Variants in OPCML observed in about 807,000 individuals in gnomAD.
OPCML encodes the protein opioid-binding protein/cell adhesion molecule.
A neutral mutation model predicts 37.8 loss-of-function variants in OPCML; 13 were observed. The ratio of observed to expected loss-of-function variants is 0.34; its 90% confidence interval spans 0.22 to 0.55. The LOEUF (loss-of-function observed/expected upper bound fraction) is 0.55, where lower values mean the gene tolerates loss of function less well. Ranked by LOEUF, OPCML falls within the 20% of genes least tolerant of loss-of-function variation. The pLI, the probability that OPCML is intolerant of heterozygous loss-of-function variation, is 0.91. For missense variants in OPCML, 341 were observed against 435.6 expected, an observed-to-expected ratio of 0.78 and a Z score of 1.93; for synonymous variants, 176 against 168.8, an observed-to-expected ratio of 1.04 and a Z score of -0.33.
chr11:133,422,884 A>G (rs1565626172), intron 1 of OPCML: 1 of 962,696 alleles, frequency 1.0e-6, no homozygotes, highest in African/African-American at 1.8e-5. Flanking sequence ...GAGGCTTAGG[A>G]TGAAGAATCT....
At chr11:133,490,127 G>C (rs758116347) in intron 1 of OPCML, among the ~76,000 whole-genome samples, 4 of 152,136 alleles carry the variant, frequency 2.6e-5, no homozygotes, top group Non-Finnish European at 5.9e-5. Context: ...ATCAGGGTTT[G>C]TTTTACTCCT....
At chr11:132,667,730 T>C (rs1942283968) in intron 2 of OPCML, among the ~76,000 whole-genome samples, 1 of 152,012 alleles carries the variant, frequency 6.6e-6, no homozygotes. Flanking sequence ...TGAAGGTAAA[T>C]GGAAGAACAG....
At chr11:133,020,859 CTA>C (rs768242131) in intron 1 of OPCML, among the ~76,000 whole-genome samples, 61 of 151,408 alleles carry the variant, frequency 4.0e-4, no homozygotes, top group Non-Finnish European at 7.1e-4. Context: ...CTTTTTTTTT[CTA>C]TGTTTTTTGG....
chr11:132,671,775 C>T (rs1470910394), intron 2 of OPCML, among the ~76,000 whole-genome samples: 1 of 150,884 alleles, frequency 6.6e-6, no homozygotes, highest in Admixed American at 6.6e-5. Context: ...AGTCGAGTTT[C>T]CTTATCATGG....
At chr11:132,733,473 T>C (rs953316600) in intron 2 of OPCML, among the ~76,000 whole-genome samples, 1 of 152,130 alleles carries the variant, frequency 6.6e-6, no homozygotes, top group African/African-American at 2.4e-5. Flanking sequence ...TCATTCTACT[T>C]GCTGAGATTG....
intron 1 of OPCML, among the ~76,000 whole-genome samples, chr11:133,062,976 C>A (rs1015019410): frequency 6.6e-6 from 1 of 152,246 alleles, no homozygotes; most frequent in Non-Finnish European, 1.5e-5. Context: ...TAAAGACAGC[C>A]GCATCCTCCT....
intron 1 of OPCML, among the ~76,000 whole-genome samples, chr11:133,524,545 C>T (rs1228824686): frequency 2.0e-5 from 3 of 152,194 alleles, no homozygotes; most frequent in East Asian, 1.9e-4. Context: ...CCTGATTAAA[C>T]GTGCTGAGTA....
intron 1 of OPCML, among the ~76,000 whole-genome samples, chr11:132,999,266 G>A (rs548390779): frequency 5.3e-5 from 8 of 151,942 alleles, no homozygotes; most frequent in African/African-American, 9.7e-5. Flanking sequence ...CCCAGGTGGC[G>A]AGACCCCCTC....
chr11:133,049,747 G>A (rs930581593), intron 1 of OPCML, among the ~76,000 whole-genome samples: 7 of 152,172 alleles, frequency 4.6e-5, no homozygotes, highest in African/African-American at 1.4e-4. Flanking sequence ...TTTCACTCCC[G>A]TGCTGTGCTC....
intron 1 of OPCML, among the ~76,000 whole-genome samples, chr11:133,321,045 G>A (rs990422622): frequency 6.6e-5 from 10 of 152,102 alleles, no homozygotes; most frequent in African/African-American, 2.4e-4. Context: ...CAACCCCTCA[G>A]CCATGTCTTC....
chr11:132,624,029 A>G (rs1404104308), intron 3 of OPCML, among the ~76,000 whole-genome samples: 1 of 152,240 alleles, frequency 6.6e-6, no homozygotes, highest in Non-Finnish European at 1.5e-5. Flanking sequence ...GAGTTGTTTC[A>G]GCACTGCTAA....
chr11:132,451,739 A>G (rs923645554), intron 4 of OPCML, among the ~76,000 whole-genome samples: 2 of 152,130 alleles, frequency 1.3e-5, no homozygotes, highest in African/African-American at 4.8e-5. Context: ...GGTGTGGGCC[A>G]TCCATCCCAT....
At chr11:133,229,527 A>C (rs887230764) in intron 1 of OPCML, among the ~76,000 whole-genome samples, 7 of 152,220 alleles carry the variant, frequency 4.6e-5, no homozygotes, top group African/African-American at 1.7e-4. Flanking sequence ...TTAAAGGATT[A>C]AAAAAGAAAA....
chr11:133,321,110 G>T (rs1335537410), intron 1 of OPCML, among the ~76,000 whole-genome samples: 1 of 152,188 alleles, frequency 6.6e-6, no homozygotes, highest in East Asian at 1.9e-4. Flanking sequence ...GGGGGAAGGT[G>T]GGGGGACAAT....
At chr11:132,562,561 C>T (rs1310465971) in intron 3 of OPCML, among the ~76,000 whole-genome samples, 1 of 152,020 alleles carries the variant, frequency 6.6e-6, no homozygotes, top group Non-Finnish European at 1.5e-5. Flanking sequence ...AACTACATGC[C>T]TATGCTATTT....
At chr11:132,437,498 G>A (rs1459400384) in intron 4 of OPCML, 139 bp from the exon 5 acceptor site, 67 of 1,464,162 alleles carry the variant, frequency 4.6e-5, no homozygotes, top group Non-Finnish European at 5.6e-5. Context: ...AAAGACATAG[G>A]GCATCATGTT....
At chr11:132,738,952 C>T (rs930786839) in intron 2 of OPCML, among the ~76,000 whole-genome samples, 1 of 152,074 alleles carries the variant, frequency 6.6e-6, no homozygotes, top group Non-Finnish European at 1.5e-5. Context: ...TGATTTTGAG[C>T]TGAAAACAAT....
chr11:132,463,559 C>T (rs547942193), intron 4 of OPCML, among the ~76,000 whole-genome samples: 9 of 152,330 alleles, frequency 5.9e-5, no homozygotes, highest in African/African-American at 7.2e-5. Flanking sequence ...AGAAGCCCTG[C>T]TGTACCACAC....
intron 1 of OPCML, among the ~76,000 whole-genome samples, chr11:133,500,414 G>A (rs1042193198): frequency 6.6e-6 from 1 of 152,152 alleles, no homozygotes; most frequent in Admixed American, 6.5e-5. Context: ...AGGCCATTAT[G>A]CTATTAAAAA....
Sources: gnomAD v4.1 joint callset for allele counts (sites outside exome capture counted in the v4.1 genomes callset) on GRCh38, gnomAD v4.1.1 for gene constraint, MANE v1.5 for transcripts, NCBI Gene and HGNC (gene_info 2026-07-23, HGNC 2026-07-21) for gene names.